PSMD1: variants seen among roughly 807,000 people sequenced by gnomAD.
The protein encoded by PSMD1 is proteasome 26S subunit, non-ATPase 1.
PSMD1 carries 18 observed loss-of-function variants against 119.0 expected under a neutral mutation model. The observed-to-expected ratio is 0.15, with a 90% CI of 0.10 to 0.22. PSMD1 has a LOEUF of 0.22. PSMD1 is among the 10% of genes least tolerant of loss of function. PSMD1 has a pLI of 1.00. For missense variants in PSMD1, 702 were observed against 1,158.5 expected (o/e 0.61, Z 5.72); for synonymous variants, 374 against 396.6 (o/e 0.94, Z 0.68).
intron 12 of PSMD1, among the ~76,000 whole-genome samples, chr2:231,082,020 A>C (rs998106098): frequency 6.6e-6 from 1 of 151,962 alleles, no homozygotes; most frequent in African/African-American, 2.4e-5. Flanking sequence ...CTCTCTGCCC[A>C]CTTTGTTTTC....
At chr2:231,140,527 T>C (rs977376630) in intron 17 of PSMD1, among the ~76,000 whole-genome samples, 2 of 150,438 alleles carry the variant, frequency 1.3e-5, no homozygotes, top group Admixed American at 1.3e-4. Flanking sequence ...AGTGTTGGTA[T>C]TGTGTACAAA....
rs566629920 is a variant in PSMD1 at position 231,078,278 on chromosome 2, A to C, written c.1072-381A>C. Among the ~76,000 whole-genome samples the C allele has an allele frequency of 5.3e-5, 8 of 152,240 alleles. No individual in the cohort carries two copies. The South Asian group carries it at 1.7e-3, about 32-fold the overall frequency. ...GCAACACTCTGTCTCAAAAACCAAA[A>C]ATAAACAAAATTATCTGGTAACTGT... On this transcript the variant is annotated intron_variant, in intron 9 of 24. Coordinates refer to ENST00000308696, the MANE Select transcript of PSMD1 (RefSeq NM_002807.4).
At position 231,123,262 on chromosome 2, in the gene PSMD1, T is replaced by C. The variant is rs981452985; in HGVS notation, c.1884-15474T>C. ...ACTGCTGATCAACCATAGAGAATGA[T>C]ATAAAACAAGGGACTGTTTACTTGC... On this transcript the variant is annotated intron_variant, in intron 16 of 24. Transcript: ENST00000308696. 8 of 695,120 alleles carry C rather than the reference T, an allele frequency of 1.2e-5. No individual in the cohort carries two copies. The African/African-American group carries it at 1.4e-4, about 12-fold the overall frequency. 43.1% of individuals were successfully genotyped at this position (695,120 alleles called of 1,614,324 possible).
intron 8 of PSMD1, among the ~76,000 whole-genome samples, chr2:231,076,516 A>C (rs1409817544): frequency 6.6e-6 from 1 of 152,166 alleles, no homozygotes; most frequent in Non-Finnish European, 1.5e-5. Flanking sequence ...AAAATACAAA[A>C]ATTAGCTGAG....
At chr2:231,115,584 T>C (rs543305292) in intron 16 of PSMD1, among the ~76,000 whole-genome samples, 3 of 151,934 alleles carry the variant, frequency 2.0e-5, no homozygotes, top group Non-Finnish European at 2.9e-5. Flanking sequence ...CTTTGCCTGC[T>C]TGTTGAATTG....
chr2:231,109,381 C>T, intron 16 of PSMD1: 5 of 1,614,060 alleles, frequency 3.1e-6, no homozygotes, highest in Non-Finnish European at 4.2e-6. Flanking sequence ...CAGTCTCTAT[C>T]CCTTTAATAG....
At chr2:231,088,143 A>AAT (rs1029824794) in intron 16 of PSMD1, among the ~76,000 whole-genome samples, 4 of 152,132 alleles carry the variant, frequency 2.6e-5, no homozygotes, top group African/African-American at 9.7e-5. Context: ...CAAGTGAATT[A>AAT]ATATATATAT....
intron 21 of PSMD1, 110 bp from the exon 22 acceptor site, chr2:231,165,090 A>G (rs1411546990): frequency 2.3e-5 from 4 of 170,880 alleles, no homozygotes; most frequent in South Asian, 1.1e-4. Flanking sequence ...ATATATATAT[A>G]TGTAATACAG....
chr2:231,165,571 G>T (rs942429364), intron 22 of PSMD1, among the ~76,000 whole-genome samples: 2 of 152,166 alleles, frequency 1.3e-5, no homozygotes, highest in Non-Finnish European at 2.9e-5. Flanking sequence ...AGATGATGAG[G>T]TAGGAGAAAG....
At chr2:231,124,555 T>C (rs1022862004) in intron 16 of PSMD1, among the ~76,000 whole-genome samples, 1 of 152,132 alleles carries the variant, frequency 6.6e-6, no homozygotes, top group African/African-American at 2.4e-5. Flanking sequence ...GATATAAATG[T>C]CATTTTAGAT....
chr2:231,145,299 G>A (rs1256706085), intron 17 of PSMD1, among the ~76,000 whole-genome samples: 1 of 152,158 alleles, frequency 6.6e-6, no homozygotes, highest in East Asian at 1.9e-4. Flanking sequence ...TTACTGTACT[G>A]ACTAGGCAGT....
At chr2:231,094,973 A>C (rs769835237) in intron 16 of PSMD1, among the ~76,000 whole-genome samples, 1 of 152,220 alleles carries the variant, frequency 6.6e-6, no homozygotes, top group Non-Finnish European at 1.5e-5. Flanking sequence ...ATAGGGAGAT[A>C]GTGTTTTAGT....
At chr2:231,144,418 A>ATTTTTTTTTTT (rs751682132) in intron 17 of PSMD1, among the ~76,000 whole-genome samples, 45 of 75,196 alleles carry the variant, frequency 6.0e-4, no homozygotes, top group Non-Finnish European at 8.3e-4. Flanking sequence ...CGCCCAGCTA[A>ATTTTTTTTTTT]TTTTTTTTTT....
intron 16 of PSMD1, among the ~76,000 whole-genome samples, chr2:231,138,154 AT>A (rs1199594462): frequency 1.6e-4 from 25 of 152,302 alleles, no homozygotes; most frequent in Non-Finnish European, 1.8e-4. Context: ...AGTTTGTCCT[AT>A]TTTTTATCTT....
At chr2:231,146,141 C>A in intron 17 of PSMD1, 99 bp from the exon 18 acceptor site, 1 of 773,314 alleles carries the variant, frequency 1.3e-6, no homozygotes, top group Non-Finnish European at 2.2e-6. Flanking sequence ...TGCAGTGTGT[C>A]ACTTCCCAGA....
At chr2:231,089,686 A>G (rs918055779) in intron 16 of PSMD1, among the ~76,000 whole-genome samples, 1 of 152,144 alleles carries the variant, frequency 6.6e-6, no homozygotes, top group Non-Finnish European at 1.5e-5. Context: ...TTAAGGAGCA[A>G]GGAGAGCCAG....
At chr2:231,118,394 T>A (rs1054510382) in intron 16 of PSMD1, among the ~76,000 whole-genome samples, 2 of 152,176 alleles carry the variant, frequency 1.3e-5, no homozygotes, top group Non-Finnish European at 2.9e-5. Context: ...CTTAAAACTT[T>A]AAGCTGTACT....
In PSMD1 at chr2:231,136,227, T is replaced by G. The variant is rs903785665; in HGVS notation, c.1884-2509T>G. On this transcript the variant is annotated intron_variant, in intron 16 of 24. Coordinates refer to ENST00000308696, the MANE Select transcript of PSMD1 (RefSeq NM_002807.4). ...TATTCAGTGTAGGATTTCGGTTCAC[T>G]TTAGTATTTTTAAAAGAAAGTAGGG... Among the ~76,000 whole-genome samples the G allele has an allele frequency of 4.3e-4, 66 of 152,306 alleles. 1 individual carries two copies. Among genetic ancestry groups the G allele is most frequent in the African/African-American group, 1.5e-3 (64 of 41,566 alleles).
intron 18 of PSMD1, among the ~76,000 whole-genome samples, chr2:231,148,210 A>G (rs777365373): frequency 5.9e-5 from 9 of 152,174 alleles, no homozygotes; most frequent in African/African-American, 1.4e-4. Flanking sequence ...TTGATCTTCA[A>G]CTGAGCTTTT....
Sources: gnomAD v4.1 joint callset for allele counts (sites outside exome capture counted in the v4.1 genomes callset) on GRCh38, gnomAD v4.1.1 for gene constraint, MANE v1.5 for transcripts, NCBI Gene and HGNC (gene_info 2026-07-23, HGNC 2026-07-21) for gene names.